The following NUP35 variants were observed in gnomAD, a reference collection of about 807,000 sequenced individuals.
The protein encoded by NUP35 is nucleoporin NUP35.
Under a neutral mutation model 41.5 loss-of-function variants are expected in NUP35, and 25 were observed. That is an observed-to-expected ratio of 0.60 (90% CI 0.44 to 0.84). The LOEUF is 0.84. Ranked by LOEUF, NUP35 falls within the 40% of genes least tolerant of loss-of-function variation. The probability of loss-of-function intolerance (pLI) is 0.00; values close to 1 mark genes in which losing one functional copy is unlikely to be tolerated. For missense variants in NUP35, 396 were observed against 396.6 expected (o/e 1.00, Z 0.01); for synonymous variants, 149 against 130.7 (o/e 1.14, Z -0.96).
intron 3 of NUP35, chr2:183,131,315 T>G (rs1005981233): frequency 1.9e-5 from 3 of 154,030 alleles, no homozygotes; most frequent in Non-Finnish European, 4.4e-5. Flanking sequence ...ATTATTGTGC[T>G]TAGTAGGACA....
rs371140401 is a variant in NUP35, at chr2:183,133,503, T to G, written c.340-63T>G. On this transcript the variant is annotated intron_variant, in intron 3 of 8. Transcript: ENST00000295119. ...ATTCAGTTATCCATTGAATGAAGCC[T>G]TTTAACACTTACTGTATTTATGTTT... The G allele has an allele frequency of 1.6e-5, 21 of 1,346,742 alleles. No homozygotes were observed. In the African/African-American group the frequency reaches 2.7e-4, roughly 17 times the overall value. 83.4% of individuals were successfully genotyped at this position (1,346,742 alleles called of 1,614,324 possible).
upstream of NUP35, among the ~76,000 whole-genome samples, chr2:183,122,559 TC>T (rs1223671727): frequency 6.6e-6 from 1 of 152,230 alleles, no homozygotes; most frequent in East Asian, 1.9e-4. Flanking sequence ...ATATTTACAC[TC>T]ATATCAAATC....
At chr2:183,128,243 A>C in intron 1 of NUP35, 44 bp from the exon 2 acceptor site, 1 of 1,428,796 alleles carries the variant, frequency 7.0e-7, no homozygotes, top group Non-Finnish European at 9.3e-7. Flanking sequence ...ATGTAACAGA[A>C]ACTGTAACAG....
chr2:183,130,483 A>T lies in NUP35; in HGVS notation c.277A>T (p.Ser93Cys). 6.2e-7 allele frequency: 1 copy of T among 1,613,214 alleles called. No individual in the cohort carries two copies. Among genetic ancestry groups the T allele is most frequent in the Non-Finnish European group, 8.5e-7 (1 of 1,179,860 alleles). Residue 93 changes from serine to cysteine, a missense_variant, in exon 3 of 9, where the codon AGT becomes TGT. By Grantham distance (112) the Ser-to-Cys change is moderately radical. Transcript: ENST00000295119. ...KDKSGAPPVR[S>C]IYDDISSPGL... Reference sequence around the variant, plus strand: ...TAAAAGTGGCGCTCCACCAGTTAGAAGTATATATGATGACATTTCTAGCCC... The same window carrying T: ...TAAAAGTGGCGCTCCACCAGTTAGATGTATATATGATGACATTTCTAGCCC...
At chr2:183,141,147 T>C (rs1316881515) in intron 4 of NUP35, among the ~76,000 whole-genome samples, 1 of 152,016 alleles carries the variant, frequency 6.6e-6, no homozygotes, top group East Asian at 1.9e-4. Context: ...AGCATCTAGC[T>C]GGATTCTCCT....
At chr2:183,138,269 A>ATATATTTTTTTT in intron 4 of NUP35, among the ~76,000 whole-genome samples, 37 of 80,688 alleles carry the variant, frequency 4.6e-4, no homozygotes, top group African/African-American at 9.9e-4. Flanking sequence ...ATATATATAT[A>ATATATTTTTTTT]TTTTTTTTTT....
At chr2:183,117,739 A>C (rs974590328) in intron 1 of NUP35, 1 of 152,206 alleles carries the variant, frequency 6.6e-6, no homozygotes, top group Non-Finnish European at 1.5e-5. Flanking sequence ...TTTATATACA[A>C]ACACTGCATA....
chr2:183,151,356 A>C (rs904218679), intron 4 of NUP35, 152 bp from the exon 5 acceptor site: 1 of 594,368 alleles, frequency 1.7e-6, no homozygotes, highest in Admixed American at 3.3e-5. Context: ...GTATGGTAGC[A>C]TGAAATTGCT....
chr2:183,134,876 G>A (rs980646488), intron 4 of NUP35, among the ~76,000 whole-genome samples: 14 of 151,052 alleles, frequency 9.3e-5, no homozygotes, highest in Non-Finnish European at 1.9e-4. Flanking sequence ...TACCCACCTC[G>A]GCCTCCCAAA....
At chr2:183,122,029 C>A (rs745457995), upstream of NUP35, among the ~76,000 whole-genome samples, 22 of 150,430 alleles carry the variant, frequency 1.5e-4, no homozygotes, top group Non-Finnish European at 3.0e-4. Context: ...ATTTACAAAC[C>A]CTTTTCTACT....
rs191495508 is a variant in NUP35 at position 183,147,657 on chromosome 2, A to G, written c.398-3851A>G. On this transcript the variant is annotated intron_variant, in intron 4 of 8. Transcript: ENST00000295119. ...CTTTTTGCTTAGGATTGCTTTGGCT[A>G]TTTGGGCTCTTCTTGCTTCCCTGTG... Among the ~76,000 whole-genome samples the G allele has an allele frequency of 7.9e-5, 12 of 152,256 alleles. No homozygotes were observed. The East Asian group carries it at 2.1e-3, about 27-fold the overall frequency.
intron 4 of NUP35, among the ~76,000 whole-genome samples, chr2:183,135,886 A>T (rs1010428768): frequency 6.0e-5 from 9 of 149,814 alleles, no homozygotes; most frequent in Admixed American, 4.0e-4. Flanking sequence ...ATAAAAATTT[A>T]AAAAAAAAAG....
At chr2:183,157,373 T>G in intron 5 of NUP35, 71 bp from the exon 6 acceptor site, 1 of 1,096,664 alleles carries the variant, frequency 9.1e-7, no homozygotes, top group Admixed American at 1.7e-5. Context: ...CTTGAAACAT[T>G]ATCTTGTAGT....
chr2:183,145,968 G>T (rs1685262611), intron 4 of NUP35, among the ~76,000 whole-genome samples: 1 of 152,220 alleles, frequency 6.6e-6, no homozygotes, highest in Non-Finnish European at 1.5e-5. Flanking sequence ...GTGCATGGTA[G>T]CTCACGCTTG....
At chr2:183,155,627 A>C (rs1441180798) in intron 5 of NUP35, among the ~76,000 whole-genome samples, 1 of 145,894 alleles carries the variant, frequency 6.9e-6, no homozygotes, top group Non-Finnish European at 1.5e-5. Context: ...GCTGGAGTGC[A>C]GTGGCATGAT....
At chr2:183,138,270 T>TATATATATATATATATA (rs1553530933) in intron 4 of NUP35, among the ~76,000 whole-genome samples, 8 of 25,324 alleles carry the variant, frequency 3.2e-4, no homozygotes, top group African/African-American at 1.1e-3. Context: ...TATATATATA[T>TATATATATATATATATA]TTTTTTTTTT....
intron 3 of NUP35, among the ~76,000 whole-genome samples, chr2:183,131,746 A>T (rs537701518): frequency 6.6e-6 from 1 of 152,344 alleles, no homozygotes; most frequent in South Asian, 2.1e-4. Context: ...TTGATTACAT[A>T]TTGAAATGAT....
upstream of NUP35, among the ~76,000 whole-genome samples, chr2:183,122,139 T>A (rs2105526256): frequency 6.6e-6 from 1 of 151,722 alleles, no homozygotes; most frequent in East Asian, 1.9e-4. Context: ...TGCAGTGGCA[T>A]GGTCTTGGCT....
At chr2:183,124,586 C>A in intron 1 of NUP35, 89 bp downstream of exon 1, 1 of 1,532,156 alleles carries the variant, frequency 6.5e-7, no homozygotes, top group Non-Finnish European at 9.0e-7. Flanking sequence ...TCGTCAGGCT[C>A]TCGTCTGCTG....
Sources: gnomAD v4.1 joint callset for allele counts (sites outside exome capture counted in the v4.1 genomes callset) on GRCh38, gnomAD v4.1.1 for gene constraint, MANE v1.5 for transcripts, NCBI Gene and HGNC (gene_info 2026-07-23, HGNC 2026-07-21) for gene names.